SMC6: variants seen among roughly 807,000 people sequenced by gnomAD.
SMC6 encodes the protein structural maintenance of chromosomes 6, also known as structural maintenance of chromosomes protein 6.
A neutral mutation model predicts 142.2 loss-of-function variants in SMC6; 79 were observed. The ratio of observed to expected loss-of-function variants is 0.56; its 90% CI spans 0.46 to 0.67. The LOEUF (loss-of-function observed/expected upper bound fraction) is 0.67. SMC6 is among the 30% of genes least tolerant of loss of function. The pLI is 0.00. For missense variants in SMC6, 1,072 were observed against 1,284.0 expected (o/e 0.83, Z 2.52); for synonymous variants, 411 against 412.4 (o/e 1.00, Z 0.04).
intron 5 of SMC6, among the ~76,000 whole-genome samples, chr2:17,732,122 C>T (rs898475329): frequency 2.0e-5 from 3 of 152,146 alleles, no homozygotes; most frequent in African/African-American, 7.2e-5. Context: ...ACTATTCTAT[C>T]CATCATAGAA....
intron 26 of SMC6, among the ~76,000 whole-genome samples, chr2:17,669,056 A>G (rs535113013): frequency 1.3e-5 from 2 of 152,292 alleles, no homozygotes; most frequent in Non-Finnish European, 2.9e-5. Context: ...GAGAGGAAGA[A>G]TATCAGTGAG....
At chr2:17,692,111 G>A (rs891344761) in intron 23 of SMC6, among the ~76,000 whole-genome samples, 17 of 152,230 alleles carry the variant, frequency 1.1e-4, no homozygotes, top group African/African-American at 2.9e-4. Flanking sequence ...AATCAATATC[G>A]TGAAAATGGC....
intron 23 of SMC6, among the ~76,000 whole-genome samples, chr2:17,688,699 GA>G (rs1466035921): frequency 6.6e-6 from 1 of 152,006 alleles, no homozygotes; most frequent in African/African-American, 2.4e-5. Context: ...ACAGTAGAGA[GA>G]AAAACCTAAT....
intron 20 of SMC6, 38 bp from the exon 21 acceptor site, chr2:17,700,416 T>C: frequency 6.8e-7 from 1 of 1,464,504 alleles, no homozygotes. Flanking sequence ...TTAATTAAAA[T>C]ACTTTAAGTT....
At chr2:17,677,109 G>C (rs989079469) in intron 25 of SMC6, among the ~76,000 whole-genome samples, 1 of 152,082 alleles carries the variant, frequency 6.6e-6, no homozygotes, top group African/African-American at 2.4e-5. Flanking sequence ...AGCGTGGACA[G>C]AACTGCTTTC....
intron 12 of SMC6, 152 bp from the exon 13 acceptor site, chr2:17,717,328 T>A (rs1046564136): frequency 3.3e-5 from 18 of 553,062 alleles, no homozygotes; most frequent in Non-Finnish European, 3.7e-5. Context: ...TTACATTTTT[T>A]AAAATCTCAA....
chr2:17,743,512 C>A (rs147338270), intron 3 of SMC6, among the ~76,000 whole-genome samples: 2 of 152,304 alleles, frequency 1.3e-5, no homozygotes, highest in African/African-American at 2.4e-5. Flanking sequence ...TACCCCCACA[C>A]ATGCATAGTC....
At chr2:17,681,415 C>T (rs1339957678) in intron 24 of SMC6, 1 of 152,328 alleles carries the variant, frequency 6.6e-6, no homozygotes, top group Non-Finnish European at 1.5e-5. Flanking sequence ...GGCTAACTGG[C>T]ACAAGAGGTC....
rs60784309 is a variant in SMC6 at position 17,739,879 on chromosome 2, AACACACACACACACACACACACAC to A, written c.239-1577_239-1554del. 3.5e-3 allele frequency among the ~76,000 whole-genome samples: 405 copies of A among 115,538 alleles called. 3 individuals carry two copies. Among genetic ancestry groups the A allele is most frequent in the African/African-American group, 0.012 (351 of 30,422 alleles). 75.8% of individuals were successfully genotyped at this position (115,538 alleles called of 152,430 possible). ...ACACACACACACAGAGAATATGGTA[AACACACACACACACACACACACAC>A]ACACACACACACACACACACACACA... On this transcript the variant is annotated intron_variant, in intron 4 of 27. Transcript: ENST00000448223.
chr2:17,689,910 T>C (rs796554729), intron 23 of SMC6, among the ~76,000 whole-genome samples: 4 of 152,318 alleles, frequency 2.6e-5, no homozygotes, highest in African/African-American at 9.6e-5. Flanking sequence ...CCCCAGTCTT[T>C]TCAATCTGTG....
At chr2:17,688,514 G>A (rs1279897833) in intron 23 of SMC6, among the ~76,000 whole-genome samples, 5 of 152,072 alleles carry the variant, frequency 3.3e-5, no homozygotes, top group South Asian at 2.1e-4. Flanking sequence ...GCAGTGAGCC[G>A]AGATCCTGCC....
At chr2:17,687,749 C>T (rs1318418909) in intron 23 of SMC6, among the ~76,000 whole-genome samples, 1 of 151,878 alleles carries the variant, frequency 6.6e-6, no homozygotes, top group Non-Finnish European at 1.5e-5. Context: ...ATATTCCCCT[C>T]AAAGAGAAAT....
chr2:17,673,126 T>C (rs1666841451), intron 25 of SMC6, among the ~76,000 whole-genome samples: 1 of 152,230 alleles, frequency 6.6e-6, no homozygotes, highest in Non-Finnish European at 1.5e-5. Flanking sequence ...AGTAACTTAC[T>C]GTGGTATAAA....
chr2:17,716,013 T>C, intron 15 of SMC6, 73 bp downstream of exon 15: 2 of 1,129,412 alleles, frequency 1.8e-6, no homozygotes, highest in South Asian at 4.6e-5. Context: ...TTTCGAAAAC[T>C]TCATTCAATC....
chr2:17,720,202 T>C (rs905125816), intron 11 of SMC6, among the ~76,000 whole-genome samples: 1 of 152,166 alleles, frequency 6.6e-6, no homozygotes, highest in African/African-American at 2.4e-5. Context: ...ATAAAGCTGT[T>C]CAAAACAGAA....
At chr2:17,690,073 T>C (rs1297851193) in intron 23 of SMC6, among the ~76,000 whole-genome samples, 2 of 152,224 alleles carry the variant, frequency 1.3e-5, no homozygotes, top group Non-Finnish European at 2.9e-5. Context: ...GATTAAAATT[T>C]CGTTTGAGCT....
At chr2:17,689,856 G>T (rs1426565563) in intron 23 of SMC6, among the ~76,000 whole-genome samples, 1 of 151,924 alleles carries the variant, frequency 6.6e-6, no homozygotes, top group Non-Finnish European at 1.5e-5. Flanking sequence ...ATTTGTATTA[G>T]TTTTTACTAT....
At chr2:17,747,072 A>T (rs1318389321) in intron 2 of SMC6, among the ~76,000 whole-genome samples, 1 of 152,206 alleles carries the variant, frequency 6.6e-6, no homozygotes, top group Non-Finnish European at 1.5e-5. Flanking sequence ...GGGTAGAGTC[A>T]AAGGCTATGT....
In SMC6 at chr2:17,731,833, G is replaced by T. The variant is rs972450482; in HGVS notation, c.389C>A (p.Ala130Asp). 4 of 1,613,594 alleles carry T rather than the reference G, an allele frequency of 2.5e-6. No individual in the cohort carries two copies. Among genetic ancestry groups the T allele is most frequent in the Non-Finnish European group, 3.4e-6 (4 of 1,179,838 alleles). The change falls in exon 6 of 28, where the codon GCC becomes GAC. Residue 130 changes from alanine (A) to aspartate (D), a missense_variant. Physicochemically the swap from Ala to Asp is moderately radical, Grantham distance 126. Coordinates refer to ENST00000448223, the MANE Select transcript of SMC6 (RefSeq NM_001142286.2). Reference sequence around the variant, plus strand: ...GTTACCATACACACTGGCTTTAAAGGCATCATCTCCTCTGTTCCTCAATGT... The same window carrying T: ...GTTACCATACACACTGGCTTTAAAGTCATCATCTCCTCTGTTCCTCAATGT... ...SITLRNRGDDAFKASVYGNSI... is the reference protein window; with the variant it reads ...SITLRNRGDDDFKASVYGNSI...
Sources: allele counts gnomAD v4.1 joint callset (sites outside exome capture counted in the v4.1 genomes callset), GRCh38; gene constraint gnomAD v4.1.1; transcripts MANE v1.5; gene names NCBI Gene and HGNC (gene_info 2026-07-23, HGNC 2026-07-21).